LHCGR: variants seen among roughly 807,000 people sequenced by gnomAD.
The protein encoded by LHCGR is luteinizing hormone/choriogonadotropin receptor, also known as lutropin-choriogonadotropic hormone receptor.
In LHCGR, 55 loss-of-function variants were observed where a neutral mutation model predicts 60.7. That is an observed-to-expected ratio of 0.91 (90% confidence interval 0.73 to 1.13). The LOEUF (loss-of-function observed/expected upper bound fraction) is 1.13, where lower values mean the gene tolerates loss of function less well. LHCGR is among the 50% of genes most tolerant of loss of function. The pLI, the probability that LHCGR is intolerant of heterozygous loss-of-function variation, is 0.00. For missense variants in LHCGR, 862 were observed against 836.0 expected (o/e 1.03, Z -0.38); for synonymous variants, 337 against 316.5 (o/e 1.06, Z -0.69).
Position 48,688,793 on chromosome 2 carries a change from A to G in LHCGR, c.1004T>C (p.Phe335Ser). 1.2e-6 allele frequency: 2 copies of G among 1,614,212 alleles called. No homozygotes were observed. The highest frequency in any genetic ancestry group is 1.7e-6 in the Non-Finnish European group (2 of 1,180,028). The change falls in exon 11 of 11, where the codon TTC (phenylalanine) becomes TCC (serine). Residue 335 changes from phenylalanine to serine, a missense_variant. Transcript: ENST00000294954. This position sits in a 1 kb window ranked among gnomAD's most constrained non-coding sequence, Gnocchi z 5.2. ...ACATCGGGGTGTCTTGGGTAAGCAG[A>G]AACCATATTCATAGTCCCAGCCACT... ...ELSGWDYEYG[F>S]CLPKTPRCAP... is the part of the protein sequence containing the mutation.
chr2:48,732,757 T>G, intron 1 of LHCGR: 1 of 465,830 alleles, frequency 2.1e-6, no homozygotes, highest in Middle Eastern at 3.8e-4. Flanking sequence ...GCAAAGCGGT[T>G]TACCAGCCGT....
intron 7 of LHCGR, among the ~76,000 whole-genome samples, chr2:48,710,597 C>A (rs1667931714): frequency 1.3e-5 from 2 of 152,190 alleles, no homozygotes; most frequent in Non-Finnish European, 2.9e-5. Flanking sequence ...GTGTGAGAAG[C>A]ACAGGCAGGA....
intron 10 of LHCGR, among the ~76,000 whole-genome samples, chr2:48,693,247 C>T (rs1486722688): frequency 1.3e-5 from 2 of 152,144 alleles, no homozygotes; most frequent in Non-Finnish European, 2.9e-5. Flanking sequence ...TACTTATTTA[C>T]CCTTGGTGTT....
At chr2:48,745,142 T>C (rs565918496) in intron 1 of LHCGR, among the ~76,000 whole-genome samples, 23 of 152,238 alleles carry the variant, frequency 1.5e-4, no homozygotes, top group African/African-American at 5.3e-4. Flanking sequence ...AAAACCACAA[T>C]GAGATACCAT....
At position 48,754,653 on chromosome 2, in the gene LHCGR, C is replaced by T. The variant is rs182695390; in HGVS notation, c.161+858G>A. The stretch of plus-strand genomic sequence containing the variant: ...GTAGTCACCTACTGTCCCTCCCATC[C>T]GCTTCCCCAGCCCTGGTAACTACTA... On this transcript the variant is annotated intron_variant, in intron 1 of 10. Coordinates refer to ENST00000294954, the MANE Select transcript of LHCGR (RefSeq NM_000233.4). 2.5e-3 allele frequency among the ~76,000 whole-genome samples: 373 copies of T among 152,148 alleles called. 1 individual carries two copies. The highest frequency in any genetic ancestry group is 8.4e-3 in the African/African-American group (348 of 41,490).
intron 8 of LHCGR, chr2:48,708,643 A>G (rs1384414675): frequency 3.9e-6 from 2 of 515,538 alleles, no homozygotes; most frequent in African/African-American, 3.8e-5. Context: ...AACTAGCACA[A>G]GCTAGGAGAG....
intron 10 of LHCGR, among the ~76,000 whole-genome samples, chr2:48,691,072 G>A (rs1680208321): frequency 6.6e-6 from 1 of 152,120 alleles, no homozygotes; most frequent in Non-Finnish European, 1.5e-5. Flanking sequence ...ACAATCTTAG[G>A]AACTGGAGAA....
In LHCGR at chr2:48,697,465, A is replaced by G. The variant is rs557501123; in HGVS notation, c.866+1150T>C. Among the ~76,000 whole-genome samples, 245 of 152,362 alleles carry G rather than the reference A, an allele frequency of 1.6e-3. 1 individual carries two copies. The highest frequency in any genetic ancestry group is 5.6e-3 in the African/African-American group (231 of 41,588). On this transcript the variant is annotated intron_variant, in intron 9 of 10. Transcript: ENST00000294954. ...CAGGCTTTCACACAGTATTTGAAAC[A>G]TAGTAAGTGCTCAGTTAATGTTTTG...
chr2:48,735,033 T>C (rs745691461), intron 1 of LHCGR, among the ~76,000 whole-genome samples: 20 of 152,262 alleles, frequency 1.3e-4, no homozygotes, highest in South Asian at 2.1e-4. Flanking sequence ...TTTTGAACTT[T>C]TGTTTTTAAA....
intron 6 of LHCGR, among the ~76,000 whole-genome samples, chr2:48,722,872 A>G (rs1053717884): frequency 1.3e-5 from 2 of 152,210 alleles, no homozygotes; most frequent in Non-Finnish European, 2.9e-5. Context: ...AGGCCTTAGG[A>G]AACACCATGA....
In LHCGR at chr2:48,694,213, CA is replaced by C. The variant is rs1667006206; in HGVS notation, c.947+10del. 1 of 1,469,810 alleles carries C rather than the reference CA, an allele frequency of 6.8e-7. No homozygotes were observed. The highest frequency in any genetic ancestry group is 9.5e-7 in the Non-Finnish European group (1 of 1,053,914). The allele number at this position is 1,469,810 out of a possible 1,614,324, so 91.0% of individuals were successfully genotyped here. ...TACGACTTCTGAGTTTCCTTGCATG[CA>C]AATACTTACAGTGTTTTGTTATTCA... is the stretch of plus-strand genomic sequence containing the variant. On this transcript the variant is annotated intron_variant, in intron 10 of 10. Coordinates refer to ENST00000294954, the MANE Select transcript of LHCGR (RefSeq NM_000233.4).
intron 1 of LHCGR, among the ~76,000 whole-genome samples, chr2:48,745,800 A>G (rs953810245): frequency 1.3e-5 from 2 of 151,958 alleles, no homozygotes; most frequent in African/African-American, 2.4e-5. Flanking sequence ...TACATATGTA[A>G]CTAACCTGCA....
chr2:48,752,851 T>G (rs1449532866), intron 1 of LHCGR, among the ~76,000 whole-genome samples: 3 of 151,888 alleles, frequency 2.0e-5, no homozygotes, highest in African/African-American at 7.3e-5. Context: ...CCTCCATGGA[T>G]TCCTTCCTGC....
intron 9 of LHCGR, among the ~76,000 whole-genome samples, chr2:48,697,529 AAG>A (rs1667177206): frequency 6.6e-6 from 1 of 152,234 alleles, no homozygotes; most frequent in Admixed American, 6.5e-5. Flanking sequence ...TGAATACAGC[AAG>A]TGTTTTGTCT....
Position 48,733,834 on chromosome 2 carries a change from C to G in LHCGR, c.162-2536G>C, listed in dbSNP as rs932234397. On this transcript the variant is annotated intron_variant, in intron 1 of 10. Transcript: ENST00000294954. Reference sequence around the variant, plus strand: ...TGATGGGTAGCAGTTCCTAAGCATTCAAGTATCTGTCTCCAGAATTTATTA... The same window carrying G: ...TGATGGGTAGCAGTTCCTAAGCATTGAAGTATCTGTCTCCAGAATTTATTA... Among the ~76,000 whole-genome samples the G allele has an allele frequency of 4.6e-5, 7 of 152,116 alleles. No individual in the cohort carries two copies. In the South Asian group the frequency reaches 8.3e-4, roughly 18 times the overall value.
chr2:48,702,300 C>G (rs911500510), intron 8 of LHCGR, among the ~76,000 whole-genome samples: 3 of 150,554 alleles, frequency 2.0e-5, no homozygotes, highest in African/African-American at 4.9e-5. Flanking sequence ...TTCTAGGGTA[C>G]ATGTGCAAAA....
At chr2:48,704,242 CTTGATT>C (rs1361279754) in intron 8 of LHCGR, among the ~76,000 whole-genome samples, 2 of 152,146 alleles carry the variant, frequency 1.3e-5, no homozygotes, top group Admixed American at 6.5e-5. Context: ...ATGAAGCCGA[CTTGATT>C]GTGGTGGATA....
In LHCGR at chr2:48,731,211, G is replaced by GCAGTAACTT; in HGVS notation, c.233+7_233+15dup. On this transcript the variant is annotated intron_variant, in intron 2 of 10. Transcript: ENST00000294954. ...TCCAATTACGAATGTCTTTTGATAT[G>GCAGTAACTT]CAGTAACTTACTTACATTTTTATGA... 6.5e-7 allele frequency: 1 copy of GCAGTAACTT among 1,535,976 alleles called. No homozygotes were observed.
intron 1 of LHCGR, among the ~76,000 whole-genome samples, chr2:48,736,831 A>G (rs1390975499): frequency 1.3e-5 from 2 of 152,202 alleles, no homozygotes. Flanking sequence ...CTATAGATGG[A>G]TTTACTGCAG....
Sources: gnomAD v4.1 joint callset for allele counts (sites outside exome capture counted in the v4.1 genomes callset) on GRCh38, gnomAD v4.1.1 for gene constraint, Gnocchi (gnomAD v3.1) non-coding constraint, MANE v1.5 for transcripts, NCBI Gene and HGNC (gene_info 2026-07-23, HGNC 2026-07-21) for gene names.